Variants in MYH10 observed in about 807,000 individuals in gnomAD.
The protein encoded by MYH10 is myosin heavy chain 10.
MYH10 carries 55 observed loss-of-function variants against 257.8 expected under a neutral mutation model. The observed-to-expected ratio is 0.21, with a 90% CI of 0.17 to 0.27. The LOEUF (loss-of-function observed/expected upper bound fraction) is 0.27, where lower values mean the gene tolerates loss of function less well. MYH10 is among the 10% of genes least tolerant of loss of function. MYH10 has a pLI of 1.00. For synonymous variants in MYH10, 854 were observed against 921.7 expected (o/e 0.93, Z 1.33); for missense variants, 1,631 against 2,500.6 (o/e 0.65, Z 7.42).
chr17:8,557,457 T>G (rs1335120294), intron 7 of MYH10, among the ~76,000 whole-genome samples: 1 of 152,218 alleles, frequency 6.6e-6, no homozygotes, highest in Non-Finnish European at 1.5e-5. Context: ...CAGGTGTGTG[T>G]CAAGGAGCTC....
chr17:8,562,643 C>A (rs936850266), intron 7 of MYH10, among the ~76,000 whole-genome samples: 83 of 152,272 alleles, frequency 5.5e-4, no homozygotes, highest in Non-Finnish European at 3.1e-4. Context: ...ACCCCCAAAA[C>A]GTGACAAGTA....
At chr17:8,512,423 G>T in intron 24 of MYH10, 28 bp downstream of exon 24, 1 of 1,562,480 alleles carries the variant, frequency 6.4e-7, no homozygotes, top group Non-Finnish European at 8.7e-7. Context: ...TCCAAAATAT[G>T]CTTCTAAGTA....
In MYH10 at chr17:8,506,298, G is replaced by C; in HGVS notation, c.3386+20C>G. On this transcript the variant is annotated intron_variant, in intron 27 of 42. Coordinates refer to ENST00000360416, the MANE Select transcript of MYH10 (RefSeq NM_001256012.3). This position sits in a 1 kb window ranked among gnomAD's most constrained non-coding sequence, Gnocchi z 5.0. ...TCAGCCCCATGGGCTCCCGTGCAGCGCAGCTGCTGGGCTGCAGACCTGGCC... is the reference window on the plus strand; with the variant it reads ...TCAGCCCCATGGGCTCCCGTGCAGCCCAGCTGCTGGGCTGCAGACCTGGCC... 2 of 1,562,288 alleles carry C rather than the reference G, an allele frequency of 1.3e-6. No individual in the cohort carries two copies. The highest frequency in any genetic ancestry group is 8.6e-7 in the Non-Finnish European group (1 of 1,162,916).
intron 9 of MYH10, among the ~76,000 whole-genome samples, chr17:8,551,258 G>T (rs907454939): frequency 4.7e-5 from 7 of 147,792 alleles, no homozygotes; most frequent in Non-Finnish European, 7.5e-5. Flanking sequence ...GCATCATCTT[G>T]AATTTTTAGT....
intron 3 of MYH10, among the ~76,000 whole-genome samples, chr17:8,593,892 C>G (rs1009401916): frequency 8.5e-5 from 13 of 152,098 alleles, no homozygotes; most frequent in African/African-American, 3.1e-4. Context: ...TTTAAAAGAA[C>G]AGTGGTAGAA....
rs1326483610 is a variant in MYH10 at position 8,513,915 on chromosome 17, C to G, written c.2505-21G>C. 3 of 1,601,944 alleles carry G rather than the reference C, an allele frequency of 1.9e-6. No individual in the cohort carries two copies. The Admixed American group carries it at 5.2e-5, about 28-fold the overall frequency. On this transcript the variant is annotated intron_variant, in intron 21 of 42. Coordinates refer to ENST00000360416, the MANE Select transcript of MYH10 (RefSeq NM_001256012.3). ...AGGCCCTGAAGAACAATAAGAAAAA[C>G]TTATGATGTAAAGAAAAAAGTGCTT... is the stretch of plus-strand genomic sequence containing the variant.
intron 2 of MYH10, among the ~76,000 whole-genome samples, chr17:8,608,834 C>T (rs1287265808): frequency 6.9e-6 from 1 of 144,860 alleles, no homozygotes; most frequent in African/African-American, 2.6e-5. Context: ...TTTTTTGAGA[C>T]GGAGTCTCGC....
chr17:8,492,815 G>T lies in MYH10; in HGVS notation c.4419C>A (p.Val1473=). The part of the protein sequence containing the change: ...LTVDLDHQRQ[V]ASNLEKKQKK... ...TCTGCTTCTTCTCCAAGTTGGAGGC[G>T]ACCTGGCGCTGGTGGTCCAGGTCCA... is the stretch of plus-strand genomic sequence containing the variant. The change falls in exon 33 of 43, where the codon GTC becomes GTA. Residue 1473 remains valine (V), a synonymous_variant. Coordinates refer to ENST00000360416, the MANE Select transcript of MYH10 (RefSeq NM_001256012.3). 6.2e-7 allele frequency: 1 copy of T among 1,613,914 alleles called. No individual in the cohort carries two copies. The highest frequency in any genetic ancestry group is 8.5e-7 in the Non-Finnish European group (1 of 1,180,022).
rs745779639 is a variant in MYH10, at chr17:8,490,506, T to G, written c.4718A>C (p.Glu1573Ala). The G allele has an allele frequency of 6.2e-7, 1 of 1,614,174 alleles. No homozygotes were observed. The highest frequency in any genetic ancestry group is 1.7e-5 in the Admixed American group (1 of 60,016). ...KSKRALEQQV[E>A]EMRTQLEELE... ...CTCCTCCAGCTGGGTCCTCATTTCC[T>G]CCACCTGCTGCTCTAGGGCCCGTTT... The change falls in exon 35 of 43, where the codon GAG becomes GCG. Residue 1573 changes from glutamate to alanine, a missense_variant. Around this residue, in one of 11 missense-constraint regions of MYH10, gnomAD observed 463 missense variants for 621.8 expected, o/e 0.74. Coordinates refer to ENST00000360416, the MANE Select transcript of MYH10 (RefSeq NM_001256012.3). The surrounding 1 kb of genome is among the most constrained non-coding windows in gnomAD (Gnocchi z 4.1).
chr17:8,490,481 C>G lies in MYH10; in HGVS notation c.4743G>C (p.Glu1581Asp). The G allele has an allele frequency of 6.2e-7, 1 of 1,614,254 alleles. No individual in the cohort carries two copies. Among genetic ancestry groups the G allele is most frequent in the Non-Finnish European group, 8.5e-7 (1 of 1,180,048 alleles). Residue 1581 changes from glutamate (E) to aspartate (D), a missense_variant, in exon 35 of 43, where the codon GAG becomes GAC. By Grantham distance (45) the Glu-to-Asp change is conservative. Transcript: ENST00000360416. This position sits in a 1 kb window ranked among gnomAD's most constrained non-coding sequence, Gnocchi z 4.1. ...QVEEMRTQLE[E>D]LEDELQATED... The stretch of plus-strand genomic sequence containing the variant: ...CCGTGGCCTGGAGTTCGTCTTCCAG[C>G]TCCTCCAGCTGGGTCCTCATTTCCT...
chr17:8,564,888 T>C (rs2083114559), intron 7 of MYH10, among the ~76,000 whole-genome samples: 5 of 152,052 alleles, frequency 3.3e-5, no homozygotes, highest in African/African-American at 1.2e-4. Context: ...AGAAGAAATA[T>C]CCTCAGATAT....
chr17:8,485,457 CTTTT>C (rs138894418), intron 36 of MYH10, among the ~76,000 whole-genome samples: 11 of 121,150 alleles, frequency 9.1e-5, no homozygotes, highest in Admixed American at 5.0e-4. Flanking sequence ...CCCAAGCTGG[CTTTT>C]TTTTTTTTTT....
intron 11 of MYH10, among the ~76,000 whole-genome samples, chr17:8,547,130 G>A (rs1204548217): frequency 6.6e-6 from 1 of 152,136 alleles, no homozygotes; most frequent in Non-Finnish European, 1.5e-5. Flanking sequence ...TAGCACGACA[G>A]CCTAGAACTC....
intron 14 of MYH10, among the ~76,000 whole-genome samples, chr17:8,539,674 A>T (rs1376797661): frequency 6.6e-6 from 1 of 152,038 alleles, no homozygotes; most frequent in African/African-American, 2.4e-5. Context: ...TGTAGCCTCC[A>T]ACTCAGGGCC....
chr17:8,523,257 C>T (rs1383597993), intron 17 of MYH10, among the ~76,000 whole-genome samples: 1 of 152,200 alleles, frequency 6.6e-6, no homozygotes, highest in East Asian at 1.9e-4. Flanking sequence ...TTGTTCAATC[C>T]TAGCATGTCT....
Position 8,569,975 on chromosome 17 carries a change from G to C in MYH10, c.664-163C>G, listed in dbSNP as rs1237224779. 6.6e-6 allele frequency among the ~76,000 whole-genome samples: 1 copy of C among 152,072 alleles called. No individual in the cohort carries two copies. The highest frequency in any genetic ancestry group is 2.4e-5 in the African/African-American group (1 of 41,406). On this transcript the variant is annotated intron_variant, in intron 6 of 42. Transcript: ENST00000360416. This position sits in a 1 kb window ranked among gnomAD's most constrained non-coding sequence, Gnocchi z 4.1. ...AACTTTTGTTGGCTTCTTAATCCTG[G>C]TTATGATAATGGACTCCACTAAAGG... is the stretch of plus-strand genomic sequence containing the variant.
intron 18 of MYH10, 43 bp downstream of exon 18, chr17:8,521,049 A>G: frequency 6.2e-7 from 1 of 1,612,648 alleles, no homozygotes; most frequent in Non-Finnish European, 8.5e-7. Flanking sequence ...CATCTGACCT[A>G]GATCAGTTTT....
chr17:8,552,181 T>C lies in MYH10; in HGVS notation c.821-37A>G. 8.8e-7 allele frequency: 1 copy of C among 1,138,064 alleles called. No individual in the cohort carries two copies. The highest frequency in any genetic ancestry group is 1.6e-5 in the African/African-American group (1 of 62,668). 70.5% of individuals were successfully genotyped at this position (1,138,064 alleles called of 1,614,324 possible). On this transcript the variant is annotated intron_variant, in intron 8 of 42. Coordinates refer to ENST00000360416, the MANE Select transcript of MYH10 (RefSeq NM_001256012.3). The surrounding 1 kb of genome is among the most constrained non-coding windows in gnomAD (Gnocchi z 4.8). The stretch of plus-strand genomic sequence containing the variant: ...CAGTTAAGAATTAAATTATTTAATA[T>C]AATTCTTAAATAAATAAAGGCCCTC...
chr17:8,513,136 C>G (rs968267441), intron 23 of MYH10, among the ~76,000 whole-genome samples: 12 of 152,142 alleles, frequency 7.9e-5, no homozygotes, highest in Non-Finnish European at 2.9e-5. Context: ...CATTCAAGAC[C>G]ACTGCTGCTA....
Sources: allele counts gnomAD v4.1 joint callset (sites outside exome capture counted in the v4.1 genomes callset), GRCh38; gene constraint gnomAD v4.1.1; regional missense constraint gnomAD v4.1.1; non-coding constraint Gnocchi (gnomAD v3.1); transcripts MANE v1.5; gene names NCBI Gene and HGNC (gene_info 2026-07-23, HGNC 2026-07-21).